The following CDH8 variants were observed in gnomAD, a reference collection of about 807,000 sequenced individuals.
CDH8 encodes the protein cadherin-8.
In CDH8, 17 loss-of-function variants were observed where a neutral mutation model predicts 68.1. That is an observed-to-expected ratio of 0.25 (90% CI 0.17 to 0.37). CDH8 has a LOEUF of 0.37. CDH8 is among the 10% of genes least tolerant of loss of function. The probability of loss-of-function intolerance (pLI) is 1.00; values close to 1 mark genes in which losing one functional copy is unlikely to be tolerated. For missense variants in CDH8, 763 were observed against 999.3 expected (o/e 0.76, Z 3.19); for synonymous variants, 372 against 365.1 (o/e 1.02, Z -0.21).
chr16:61,922,783 G>A (rs1243678735), intron 2 of CDH8, among the ~76,000 whole-genome samples: 1 of 152,000 alleles, frequency 6.6e-6, no homozygotes, highest in Non-Finnish European at 1.5e-5. Flanking sequence ...CTAAAATCCA[G>A]GCAATGATAT....
chr16:61,760,798 CTGATA>C (rs1400663805), intron 8 of CDH8, among the ~76,000 whole-genome samples: 1 of 151,974 alleles, frequency 6.6e-6, no homozygotes, highest in Non-Finnish European at 1.5e-5. Context: ...AGCAAGTCAC[CTGATA>C]TATTAACATT....
chr16:62,029,406 C>T (rs961791409), intron 1 of CDH8, among the ~76,000 whole-genome samples: 7 of 152,024 alleles, frequency 4.6e-5, no homozygotes, highest in African/African-American at 1.7e-4. Flanking sequence ...TGGCATGAAC[C>T]AGGGTGGGTA....
chr16:61,735,890 T>C (rs956862883), intron 8 of CDH8, among the ~76,000 whole-genome samples: 2 of 151,790 alleles, frequency 1.3e-5, no homozygotes, highest in African/African-American at 4.8e-5. Context: ...CTGGCCAACA[T>C]AGTAAAACCC....
At chr16:61,884,619 C>T (rs1963638702) in intron 3 of CDH8, among the ~76,000 whole-genome samples, 1 of 152,076 alleles carries the variant, frequency 6.6e-6, no homozygotes, top group Admixed American at 6.5e-5. Context: ...GGTGATCCGC[C>T]CGCCTCAGCA....
chr16:61,654,130 G>A, intron 11 of CDH8, 29 bp from the exon 12 acceptor site: 1 of 1,585,922 alleles, frequency 6.3e-7, no homozygotes. Context: ...ATAACAGTCA[G>A]CCAAACAAGC....
intron 4 of CDH8, among the ~76,000 whole-genome samples, chr16:61,856,497 C>T (rs1043583667): frequency 2.6e-5 from 4 of 152,056 alleles, no homozygotes; most frequent in Non-Finnish European, 4.4e-5. Context: ...AGATAACTTA[C>T]TTCATGGCTT....
At chr16:61,662,584 G>A (rs1215321497) in intron 10 of CDH8, among the ~76,000 whole-genome samples, 1 of 151,688 alleles carries the variant, frequency 6.6e-6, no homozygotes, top group East Asian at 1.9e-4. Context: ...GGGCCGATCA[G>A]TATCAATTGC....
At chr16:62,005,197 A>G (rs764157999) in intron 2 of CDH8, among the ~76,000 whole-genome samples, 16 of 152,222 alleles carry the variant, frequency 1.1e-4, no homozygotes, top group Non-Finnish European at 2.4e-4. Context: ...GTGACACTCA[A>G]CTGTGCTAAC....
chr16:62,028,565 G>A (rs900555880), intron 1 of CDH8, among the ~76,000 whole-genome samples: 1 of 152,116 alleles, frequency 6.6e-6, no homozygotes, highest in East Asian at 1.9e-4. Context: ...TTTCAGAATG[G>A]GGTGACTAAG....
At chr16:61,759,840 G>C (rs1960418888) in intron 8 of CDH8, among the ~76,000 whole-genome samples, 1 of 152,048 alleles carries the variant, frequency 6.6e-6, no homozygotes, top group African/African-American at 2.4e-5. Context: ...TCTTCCCCTG[G>C]ATATGGGCTC....
At chr16:61,705,867 A>G (rs1377745097) in intron 10 of CDH8, among the ~76,000 whole-genome samples, 1 of 152,212 alleles carries the variant, frequency 6.6e-6, no homozygotes, top group Admixed American at 6.5e-5. Flanking sequence ...TGTAAATTAT[A>G]GTTTCCTCTC....
chr16:61,654,038 T>C lies in CDH8; in HGVS notation c.1970A>G (p.Asp657Gly). The change falls in exon 12 of 12, where the codon GAT (aspartate) becomes GGT (glycine). Residue 657 changes from aspartate (D) to glycine (G), a missense_variant. Asp to Gly is a moderately conservative substitution (Grantham distance 94, BLOSUM62 -1). This residue lies in a region of CDH8 where 397 missense variants were observed against 436.2 expected (regional missense o/e 0.91). Coordinates refer to ENST00000577390, the MANE Select transcript of CDH8 (RefSeq NM_001796.5). ...AATGATGTTTTCTCGAACGTCTTCA[T>C]CATCTTTGATAATTAATGGTTCATT... is the stretch of plus-strand genomic sequence containing the variant. ...HKNEPLIIKD[D>G]EDVRENIIRY... is the part of the protein sequence containing the mutation. 1 of 1,614,156 alleles carries C rather than the reference T, an allele frequency of 6.2e-7. No homozygotes were observed. The highest frequency in any genetic ancestry group is 8.5e-7 in the Non-Finnish European group (1 of 1,180,008).
intron 2 of CDH8, among the ~76,000 whole-genome samples, chr16:61,910,381 T>A (rs1964140286): frequency 6.6e-6 from 1 of 150,638 alleles, no homozygotes; most frequent in South Asian, 2.1e-4. Context: ...TTTGGATACA[T>A]ATTTTCTTAT....
chr16:61,944,309 C>G (rs1015375588), intron 2 of CDH8, among the ~76,000 whole-genome samples: 1 of 152,182 alleles, frequency 6.6e-6, no homozygotes, highest in Non-Finnish European at 1.5e-5. Flanking sequence ...ATTAAAGAGT[C>G]TGGATGTTGA....
At chr16:61,750,570 C>T in intron 8 of CDH8, among the ~76,000 whole-genome samples, 1 of 152,170 alleles carries the variant, frequency 6.6e-6, no homozygotes, top group East Asian at 1.9e-4. Context: ...CACAGCACCA[C>T]AAATTTCTGT....
chr16:61,834,455 C>G (rs563016053), intron 4 of CDH8, among the ~76,000 whole-genome samples: 2 of 151,848 alleles, frequency 1.3e-5, no homozygotes, highest in Admixed American at 1.3e-4. Flanking sequence ...CTGAAGAACA[C>G]GGGGTTCTCA....
intron 4 of CDH8, among the ~76,000 whole-genome samples, chr16:61,841,833 T>C (rs1962689572): frequency 6.6e-6 from 1 of 152,012 alleles, no homozygotes; most frequent in African/African-American, 2.4e-5. Context: ...AATAAGACAA[T>C]AAAAATTTAA....
chr16:61,653,636 G>C lies in CDH8; in HGVS notation c.2372C>G (p.Ser791Cys), dbSNP rs1963375534. The C allele has an allele frequency of 1.2e-6, 2 of 1,612,896 alleles. No individual in the cohort carries two copies. The change falls in exon 12 of 12, where the codon TCT becomes TGT. Residue 791 changes from serine (S) to cysteine (C), a missense_variant. Physicochemically the swap from Ser to Cys is moderately radical, Grantham distance 112. Around this residue, in one of 2 missense-constraint regions of CDH8, gnomAD observed 397 missense variants for 436.2 expected, o/e 0.91. Transcript: ENST00000577390. ...AGTTTCTTTGTCACTTTCACCAACA[G>C]AGTAGAGTTCGCCCAGTCTCTTAAA... is the stretch of plus-strand genomic sequence containing the variant. Reference protein sequence around the residue: ...PRFKRLGELYSVGESDKET With the variant: ...PRFKRLGELYCVGESDKET
At chr16:61,674,194 G>T (rs567667321) in intron 10 of CDH8, among the ~76,000 whole-genome samples, 4 of 152,120 alleles carry the variant, frequency 2.6e-5, no homozygotes, top group African/African-American at 9.6e-5. Context: ...TAAACCTGTT[G>T]TTAAAAATAA....
Sources: gnomAD v4.1 joint callset for allele counts (sites outside exome capture counted in the v4.1 genomes callset) on GRCh38, gnomAD v4.1.1 for gene constraint, gnomAD v4.1.1 regional missense constraint, MANE v1.5 for transcripts, NCBI Gene and HGNC (gene_info 2026-07-23, HGNC 2026-07-21) for gene names.